Variants in PTPRD observed in about 807,000 individuals in gnomAD.
The protein encoded by PTPRD is receptor-type tyrosine-protein phosphatase delta.
PTPRD carries 34 observed loss-of-function variants against 214.5 expected under a neutral mutation model. The ratio of observed to expected loss-of-function variants is 0.16; its 90% CI spans 0.12 to 0.21. PTPRD has a LOEUF of 0.21. Ranked by LOEUF, PTPRD falls within the 10% of genes least tolerant of loss-of-function variation. The pLI, the probability that PTPRD is intolerant of heterozygous loss-of-function variation, is 1.00. For synonymous variants in PTPRD, 1,128 were observed against 845.7 expected (o/e 1.33, Z -5.79); for missense variants, 2,545 against 2,398.7 (o/e 1.06, Z -1.27).
chr9:10,082,812 T>TAAAC (rs1555566667), intron 3 of PTPRD, among the ~76,000 whole-genome samples: 1 of 138,504 alleles, frequency 7.2e-6, no homozygotes, highest in Non-Finnish European at 1.6e-5. Context: ...CTACTCCTCC[T>TAAAC]ACACACACAC....
intron 3 of PTPRD, among the ~76,000 whole-genome samples, chr9:10,330,123 A>T (rs957767770): frequency 1.3e-5 from 2 of 151,750 alleles, no homozygotes; most frequent in South Asian, 4.1e-4. Context: ...TATAACAAGA[A>T]CTTGCCCTCT....
chr9:10,144,578 A>C (rs1356424163), intron 3 of PTPRD, among the ~76,000 whole-genome samples: 1 of 152,086 alleles, frequency 6.6e-6, no homozygotes, highest in Non-Finnish European at 1.5e-5. Context: ...ACTCTCATTA[A>C]AACAATGGAG....
intron 3 of PTPRD, among the ~76,000 whole-genome samples, chr9:10,281,618 G>T (rs1305296476): frequency 6.6e-6 from 1 of 152,184 alleles, no homozygotes; most frequent in African/African-American, 2.4e-5. Flanking sequence ...AGACTCCATA[G>T]ATGTGCAAAA....
intron 11 of PTPRD, among the ~76,000 whole-genome samples, chr9:8,988,491 T>C (rs1430286298): frequency 6.6e-6 from 1 of 152,094 alleles, no homozygotes; most frequent in African/African-American, 2.4e-5. Context: ...TAGGGTCAGA[T>C]AATAAAATGC....
intron 9 of PTPRD, among the ~76,000 whole-genome samples, chr9:9,376,714 T>A (rs765371954): frequency 2.6e-5 from 4 of 152,134 alleles, no homozygotes; most frequent in Non-Finnish European, 5.9e-5. Context: ...TTAATAGGAC[T>A]GTAAGACTGA....
At chr9:8,900,398 C>T (rs540753613) in intron 11 of PTPRD, among the ~76,000 whole-genome samples, 1 of 152,224 alleles carries the variant, frequency 6.6e-6, no homozygotes, top group South Asian at 2.1e-4. Context: ...AATTGCTCAT[C>T]TAAAAACTGT....
At chr9:10,609,179 T>C (rs1057023338) in intron 2 of PTPRD, among the ~76,000 whole-genome samples, 1 of 152,052 alleles carries the variant, frequency 6.6e-6, no homozygotes, top group Non-Finnish European at 1.5e-5. Context: ...CTTGAAATAA[T>C]GTTATTTGCT....
At chr9:10,091,192 G>T (rs1397417192) in intron 3 of PTPRD, among the ~76,000 whole-genome samples, 1 of 151,442 alleles carries the variant, frequency 6.6e-6, no homozygotes, top group African/African-American at 2.4e-5. Context: ...AGGTATTCAA[G>T]TACTAGTATT....
chr9:8,788,065 T>C (rs1213074814), intron 11 of PTPRD, among the ~76,000 whole-genome samples: 2 of 152,114 alleles, frequency 1.3e-5, no homozygotes, highest in African/African-American at 4.8e-5. Context: ...TTCCATTACA[T>C]CAAAATAAGG....
At chr9:10,140,281 CA>C (rs1192302069) in intron 3 of PTPRD, among the ~76,000 whole-genome samples, 2 of 151,550 alleles carry the variant, frequency 1.3e-5, no homozygotes, top group African/African-American at 4.8e-5. Context: ...AGGACATGGA[CA>C]GCCACTTCTC....
At chr9:9,243,344 G>C (rs1011580498) in intron 9 of PTPRD, among the ~76,000 whole-genome samples, 2 of 152,032 alleles carry the variant, frequency 1.3e-5, no homozygotes, top group Non-Finnish European at 2.9e-5. Flanking sequence ...CAAAAAAAGA[G>C]AATTTTAGAC....
At chr9:10,137,558 G>A (rs1163627844) in intron 3 of PTPRD, among the ~76,000 whole-genome samples, 6 of 85,090 alleles carry the variant, frequency 7.1e-5, no homozygotes, top group Admixed American at 1.4e-4. Flanking sequence ...TGGTGGCGTC[G>A]GGGGAGGGGG....
At chr9:10,251,795 G>A (rs1399360320) in intron 3 of PTPRD, among the ~76,000 whole-genome samples, 1 of 152,014 alleles carries the variant, frequency 6.6e-6, no homozygotes, top group South Asian at 2.1e-4. Flanking sequence ...TCTTATTTGT[G>A]GAATCTGAAA....
At chr9:9,195,107 T>TATATAC (rs58832794) in intron 9 of PTPRD, among the ~76,000 whole-genome samples, 3,633 of 141,012 alleles carry the variant, frequency 0.026, 50 homozygotes, top group East Asian at 0.038. Context: ...TATATATATA[T>TATATAC]ACACACACAC....
At chr9:9,899,789 A>G (rs148300294) in intron 5 of PTPRD, among the ~76,000 whole-genome samples, 55 of 152,278 alleles carry the variant, frequency 3.6e-4, no homozygotes, top group African/African-American at 1.3e-3. Context: ...ACAAAGATAT[A>G]GAATCAACTT....
At chr9:10,151,577 A>C (rs1274323236) in intron 3 of PTPRD, among the ~76,000 whole-genome samples, 1 of 151,906 alleles carries the variant, frequency 6.6e-6, no homozygotes, top group Non-Finnish European at 1.5e-5. Context: ...GCTAACTTTT[A>C]AATCTTTTTT....
intron 5 of PTPRD, among the ~76,000 whole-genome samples, chr9:9,769,166 G>C (rs528672544): frequency 1.3e-5 from 2 of 152,108 alleles, no homozygotes; most frequent in African/African-American, 2.4e-5. Context: ...ACGACTATGA[G>C]CTTAATAAGA....
At chr9:9,263,838 T>C (rs2099981221) in intron 9 of PTPRD, among the ~76,000 whole-genome samples, 1 of 151,634 alleles carries the variant, frequency 6.6e-6, no homozygotes, top group Non-Finnish European at 1.5e-5. Flanking sequence ...GTTGAAAAAC[T>C]ACCTATTAGT....
At chr9:9,826,745 T>A (rs1372420336) in intron 5 of PTPRD, among the ~76,000 whole-genome samples, 1 of 152,084 alleles carries the variant, frequency 6.6e-6, no homozygotes, top group Non-Finnish European at 1.5e-5. Context: ...CATGATTATG[T>A]ATCTAGAAAA....
Sources: gnomAD v4.1 joint callset for allele counts (sites outside exome capture counted in the v4.1 genomes callset) on GRCh38, gnomAD v4.1.1 for gene constraint, MANE v1.5 for transcripts, NCBI Gene and HGNC (gene_info 2026-07-23, HGNC 2026-07-21) for gene names.